The following TMEM45A variants were observed in gnomAD, a reference collection of about 807,000 sequenced individuals.
The protein encoded by TMEM45A is transmembrane protein 45A, also known as DNA polymerase-transactivated protein 4.
Under a neutral mutation model 32.0 loss-of-function variants are expected in TMEM45A, and 25 were observed. The observed-to-expected ratio is 0.78, with a 90% confidence interval of 0.57 to 1.09. TMEM45A has a LOEUF of 1.09. TMEM45A is among the 50% of genes least tolerant of loss of function. The probability of loss-of-function intolerance (pLI) is 0.00; values close to 1 mark genes in which losing one functional copy is unlikely to be tolerated. For missense variants in TMEM45A, 302 were observed against 325.0 expected (o/e 0.93, Z 0.54); for synonymous variants, 122 against 114.8 (o/e 1.06, Z -0.40).
chr3:100,520,954 C>T (rs1335741558), intron 1 of TMEM45A, among the ~76,000 whole-genome samples: 1 of 152,306 alleles, frequency 6.6e-6, no homozygotes, highest in South Asian at 2.1e-4. Flanking sequence ...ATCAAGAAGA[C>T]ACCCAGTCTT....
At position 100,577,012 on chromosome 3, in the gene TMEM45A, A is replaced by C; in HGVS notation, c.822A>C (p.Glu274Asp). Residue 274 changes from glutamate (E) to aspartate (D), a missense_variant, in exon 6 of 6, where the codon GAA becomes GAC. By Grantham distance (45) the Glu-to-Asp change is conservative. Coordinates refer to ENST00000323523, the MANE Select transcript of TMEM45A (RefSeq NM_018004.3). ...NAEREQESEE[E>D]M ...AACGAGAACAAGAATCAGAAGAAGAAATGTGACTTTGATGAGCTTCCAGTT... is the reference window on the plus strand; with the variant it reads ...AACGAGAACAAGAATCAGAAGAAGACATGTGACTTTGATGAGCTTCCAGTT... 1 of 1,612,314 alleles carries C rather than the reference A, an allele frequency of 6.2e-7. No individual in the cohort carries two copies. Among genetic ancestry groups the C allele is most frequent in the Non-Finnish European group, 8.5e-7 (1 of 1,179,434 alleles).
intron 1 of TMEM45A, among the ~76,000 whole-genome samples, chr3:100,525,093 C>T (rs895859060): frequency 4.0e-5 from 6 of 151,780 alleles, no homozygotes; most frequent in African/African-American, 1.5e-4. Context: ...GAGACTGAGG[C>T]AGGAGGATAA....
Position 100,555,272 on chromosome 3 carries a change from T to G in TMEM45A, c.61T>G (p.Trp21Gly). ...CTTCTTTTTTATTATTGGTCTTTGG[T>G]GGTGTACAAAGAGTATTCTGAAGTA... ...GTFFFIIGLW[W>G]CTKSILKYIC... is the part of the protein sequence containing the mutation. Residue 21 changes from tryptophan (W) to glycine (G), a missense_variant, in exon 2 of 6, where the codon TGG (tryptophan) becomes GGG (glycine). Transcript: ENST00000323523. 4.3e-6 allele frequency: 7 copies of G among 1,613,784 alleles called. No individual in the cohort carries two copies. The highest frequency in any genetic ancestry group is 5.1e-6 in the Non-Finnish European group (6 of 1,179,800).
intron 1 of TMEM45A, among the ~76,000 whole-genome samples, chr3:100,506,116 G>T (rs751732592): frequency 6.6e-6 from 1 of 152,186 alleles, no homozygotes; most frequent in Non-Finnish European, 1.5e-5. Flanking sequence ...ACAGAGCCTG[G>T]CTCTCACCAA....
At position 100,558,558 on chromosome 3, in the gene TMEM45A, T is replaced by G; in HGVS notation, c.557T>G (p.Leu186Arg). 1.2e-6 allele frequency: 2 copies of G among 1,614,104 alleles called. No individual in the cohort carries two copies. Among genetic ancestry groups the G allele is most frequent in the Non-Finnish European group, 1.7e-6 (2 of 1,179,960 alleles). The stretch of plus-strand genomic sequence containing the variant: ...CTTCTGGAGCTATTGCGGTCAAGTC[T>G]CATTCTGCTTCAGGGGAGCTGGTTC... ...NVLLELLRSS[L>R]ILLQGSWFFQ... is the part of the protein sequence containing the mutation. The change falls in exon 4 of 6, where the codon CTC becomes CGC. Residue 186 changes from leucine (L) to arginine (R), a missense_variant. Physicochemically the swap from Leu to Arg is moderately radical, Grantham distance 102 (BLOSUM62 -2). Coordinates refer to ENST00000323523, the MANE Select transcript of TMEM45A (RefSeq NM_018004.3).
intron 2 of TMEM45A, 121 bp downstream of exon 2, chr3:100,555,522 C>A: frequency 3.0e-6 from 3 of 1,013,180 alleles, no homozygotes; most frequent in Non-Finnish European, 2.8e-6. Context: ...AGAATAAACC[C>A]TATCAAAAAC....
Position 100,555,348 on chromosome 3 carries a change from T to A in TMEM45A, c.137T>A (p.Phe46Tyr). 6.2e-7 allele frequency: 1 copy of A among 1,614,048 alleles called. No individual in the cohort carries two copies. Among genetic ancestry groups the A allele is most frequent in the South Asian group, 1.1e-5 (1 of 91,066 alleles). ...RTCYLGSKTL[F>Y]YRLEILEGIT... ...TGCTATCTTGGTTCCAAAACATTAT[T>A]CTATCGATTGGAAATTTTGGAGGGA... The change falls in exon 2 of 6, where the codon TTC (phenylalanine) becomes TAC (tyrosine). Residue 46 changes from phenylalanine to tyrosine, a missense_variant. Phe to Tyr is a conservative substitution (Grantham distance 22). Transcript: ENST00000323523.
chr3:100,541,723 GT>G (rs1705884438), intron 1 of TMEM45A, among the ~76,000 whole-genome samples: 1 of 151,918 alleles, frequency 6.6e-6, no homozygotes, highest in South Asian at 2.1e-4. Context: ...TAGAGACAGG[GT>G]TTTGCCATGT....
chr3:100,547,603 G>A (rs1706004845), intron 1 of TMEM45A, among the ~76,000 whole-genome samples: 1 of 151,988 alleles, frequency 6.6e-6, no homozygotes, highest in Admixed American at 6.6e-5. Context: ...AAAAGGAGGG[G>A]TTGATCTTTC....
intron 5 of TMEM45A, chr3:100,572,649 G>T (rs995938412): frequency 5.9e-5 from 9 of 152,102 alleles, no homozygotes; most frequent in Non-Finnish European, 1.2e-4. Flanking sequence ...CATTGCTTTT[G>T]GTGTTTTCGA....
chr3:100,568,952 A>C lies in TMEM45A; in HGVS notation c.719A>C (p.Tyr240Ser). Residue 240 changes from tyrosine to serine, a missense_variant, in exon 5 of 6, where the codon TAT becomes TCT. By Grantham distance (144) the Tyr-to-Ser change is moderately radical. Transcript: ENST00000323523. Reference sequence around the variant, plus strand: ...ACCATTGTCATCGTTGGAATGAATTATGCTTTCATTACCTGGTAAGTTAGC... The same window carrying C: ...ACCATTGTCATCGTTGGAATGAATTCTGCTTTCATTACCTGGTAAGTTAGC... ...AVTIVIVGMN[Y>S]AFITWLVKSR... 1 of 1,612,794 alleles carries C rather than the reference A, an allele frequency of 6.2e-7. No individual in the cohort carries two copies. Among genetic ancestry groups the C allele is most frequent in the Non-Finnish European group, 8.5e-7 (1 of 1,179,084 alleles).
intron 1 of TMEM45A, among the ~76,000 whole-genome samples, chr3:100,511,267 C>T (rs1406528024): frequency 4.6e-5 from 7 of 152,162 alleles, no homozygotes; most frequent in East Asian, 3.8e-4. Flanking sequence ...AGACTAACAG[C>T]GGATGTCTCG....
chr3:100,531,587 T>C (rs952549768), intron 1 of TMEM45A, among the ~76,000 whole-genome samples: 1 of 152,204 alleles, frequency 6.6e-6, no homozygotes, highest in Non-Finnish European at 1.5e-5. Context: ...GAGAATCAAC[T>C]AGAGCAATTG....
intron 4 of TMEM45A, among the ~76,000 whole-genome samples, chr3:100,561,145 C>T (rs573315977): frequency 6.6e-6 from 1 of 152,278 alleles, no homozygotes; most frequent in East Asian, 1.9e-4. Context: ...GCCATAGTGA[C>T]ATTCCCACTA....
At chr3:100,513,788 C>A (rs1377442372) in intron 1 of TMEM45A, among the ~76,000 whole-genome samples, 1 of 152,174 alleles carries the variant, frequency 6.6e-6, no homozygotes, top group African/African-American at 2.4e-5. Context: ...TCTCAGGATA[C>A]AAAATCAATG....
intron 1 of TMEM45A, among the ~76,000 whole-genome samples, chr3:100,541,273 GGTTGCCT>G: frequency 6.6e-6 from 1 of 152,190 alleles, no homozygotes; most frequent in African/African-American, 2.4e-5. Context: ...CCATTCTATA[GGTTGCCT>G]GTTTACTCTG....
At chr3:100,566,375 A>G (rs1175956607) in intron 4 of TMEM45A, among the ~76,000 whole-genome samples, 3 of 152,170 alleles carry the variant, frequency 2.0e-5, no homozygotes, top group African/African-American at 7.2e-5. Flanking sequence ...CCCAATAAAA[A>G]ATTAGATAGA....
chr3:100,571,877 G>A (rs1706569553), intron 5 of TMEM45A: 1 of 152,164 alleles, frequency 6.6e-6, no homozygotes. Context: ...GCGATAGTTT[G>A]CTGAGAATGA....
At chr3:100,515,972 A>G (rs1315356673) in intron 1 of TMEM45A, among the ~76,000 whole-genome samples, 2 of 152,220 alleles carry the variant, frequency 1.3e-5, no homozygotes, top group Non-Finnish European at 1.5e-5. Flanking sequence ...ATATATTTCA[A>G]AATAGCTAGA....
Sources: gnomAD v4.1 joint callset for allele counts (sites outside exome capture counted in the v4.1 genomes callset) on GRCh38, gnomAD v4.1.1 for gene constraint, MANE v1.5 for transcripts, NCBI Gene and HGNC (gene_info 2026-07-23, HGNC 2026-07-21) for gene names.